The following CDK9 variants were observed in gnomAD, a reference collection of about 807,000 sequenced individuals.
The protein encoded by CDK9 is cyclin dependent kinase 9.
A neutral mutation model predicts 39.0 loss-of-function variants in CDK9; 34 were observed. That is an observed-to-expected ratio of 0.87 (90% confidence interval 0.66 to 1.16). CDK9 has a LOEUF of 1.16. Among genes scored for constraint, CDK9 ranks in the 50% most tolerant of loss-of-function variants. CDK9 has a pLI of 0.00. For missense variants in CDK9, 369 were observed against 503.2 expected, an observed-to-expected ratio of 0.73 and a Z score of 2.55; for synonymous variants, 233 against 196.2, an observed-to-expected ratio of 1.19 and a Z score of -1.57.
In CDK9 at chr9:127,788,303, C is replaced by T. The variant is rs759417363; in HGVS notation, c.522C>T (p.Phe174=). Residue 174 remains phenylalanine (F), a synonymous_variant, in exon 5 of 7, where the codon TTC becomes TTT. Transcript: ENST00000373264. The part of the protein sequence containing the change: ...KLADFGLARA[F]SLAKNSQPNR... ...CAGACTTTGGGCTGGCCCGGGCCTT[C>T]AGCCTGGCCAAGAACAGCCAGCCCA... 6.2e-7 allele frequency: 1 copy of T among 1,613,190 alleles called. No individual in the cohort carries two copies. Among genetic ancestry groups the T allele is most frequent in the South Asian group, 1.1e-5 (1 of 91,066 alleles).
chr9:127,787,233 A>G (rs937531877), intron 2 of CDK9, among the ~76,000 whole-genome samples: 1 of 152,196 alleles, frequency 6.6e-6, no homozygotes. Flanking sequence ...TTAAATCATC[A>G]TGTTTGTTGC....
chr9:127,786,624 C>T lies in CDK9; in HGVS notation c.93-77C>T, dbSNP rs572591176. The T allele has an allele frequency of 3.3e-3, 4,299 of 1,303,352 alleles. 14 individuals are homozygous for T. Among genetic ancestry groups the T allele is most frequent in the Non-Finnish European group, 4.4e-3 (4,049 of 923,652 alleles). 80.7% of individuals were successfully genotyped at this position (1,303,352 alleles called of 1,614,324 possible). On this transcript the variant is annotated intron_variant, in intron 1 of 6. Coordinates refer to ENST00000373264, the MANE Select transcript of CDK9 (RefSeq NM_001261.4). ...CCCGGGAATCTCTTTGCTGCTGCCCCTCCTCCTGTAGTGGGGGAGGGGCGG... is the reference window on the plus strand; with the variant it reads ...CCCGGGAATCTCTTTGCTGCTGCCCTTCCTCCTGTAGTGGGGGAGGGGCGG...
intron 3 of CDK9, 64 bp downstream of exon 3, chr9:127,787,672 G>T: frequency 8.0e-7 from 1 of 1,256,126 alleles, no homozygotes; most frequent in Non-Finnish European, 1.2e-6. Flanking sequence ...TGTAAACTTG[G>T]AACTAGGCAC....
chr9:127,790,449 G>A lies in CDK9; in HGVS notation c.*906G>A, dbSNP rs1829407270. ...ACTGCTGGGTAGAGGGCCTGGGGCA[G>A]GCTGGAGAGAGAAAGTGGGCAGAGG... On this transcript the variant is annotated 3_prime_UTR_variant, in exon 7 of 7. Coordinates refer to ENST00000373264, the MANE Select transcript of CDK9 (RefSeq NM_001261.4). 1 of 152,478 alleles carries A rather than the reference G, an allele frequency of 6.6e-6. No homozygotes were observed. The highest frequency in any genetic ancestry group is 1.5e-5 in the Non-Finnish European group (1 of 68,212). The allele number at this position is 152,478 out of a possible 1,614,324, so 9.4% of individuals were successfully genotyped here. A position where few individuals can be genotyped will look rare whatever the true frequency, so the allele number is the denominator to read the frequency against.
At position 127,788,337 on chromosome 9, in the gene CDK9, A is replaced by G; in HGVS notation, c.556A>G (p.Thr186Ala). 6.2e-7 allele frequency: 1 copy of G among 1,613,114 alleles called. No individual in the cohort carries two copies. The highest frequency in any genetic ancestry group is 8.5e-7 in the Non-Finnish European group (1 of 1,179,972). ...LAKNSQPNRYTNRVVTLWYRP... is the reference protein window; with the variant it reads ...LAKNSQPNRYANRVVTLWYRP... ...CAAGAACAGCCAGCCCAACCGCTAC[A>G]CCAACCGTGTGGTGACACTCTGGTA... Residue 186 changes from threonine (T) to alanine (A), a missense_variant, in exon 5 of 7, where the codon ACC becomes GCC. By Grantham distance (58) the Thr-to-Ala change is moderately conservative. Transcript: ENST00000373264.
In CDK9 at chr9:127,789,499, A is replaced by C; in HGVS notation, c.1075A>C (p.Asn359His). Reference sequence around the variant, plus strand: ...CCAGCAGTCCACCAACCAGAGTCGCAATCCCGCCACCACCAACCAGACGGA... The same window carrying C: ...CCAGCAGTCCACCAACCAGAGTCGCCATCCCGCCACCACCAACCAGACGGA... ...ITQQSTNQSRNPATTNQTEFE... is the reference protein window; with the variant it reads ...ITQQSTNQSRHPATTNQTEFE... Residue 359 changes from asparagine (N) to histidine (H), a missense_variant, in exon 7 of 7, where the codon AAT becomes CAT. Asn to His is a moderately conservative substitution (Grantham distance 68, BLOSUM62 1). Transcript: ENST00000373264. The surrounding 1 kb of genome is among the most constrained non-coding windows in gnomAD (Gnocchi z 5.2). 1 of 1,614,108 alleles carries C rather than the reference A, an allele frequency of 6.2e-7. No homozygotes were observed. Among genetic ancestry groups the C allele is most frequent in the East Asian group, 2.2e-5 (1 of 44,888 alleles).
chr9:127,786,808 C>A, intron 2 of CDK9, 26 bp downstream of exon 2: 1 of 1,606,876 alleles, frequency 6.2e-7, no homozygotes, highest in Non-Finnish European at 8.5e-7. Context: ...GCGTGCGGGC[C>A]GGCCGGCTAA....
rs1345038171 is a variant in CDK9 at position 127,790,122 on chromosome 9, TCTGCGCACACAC to T, written c.*581_*592del. 6.6e-6 allele frequency: 1 copy of T among 152,536 alleles called. No individual in the cohort carries two copies. The highest frequency in any genetic ancestry group is 1.5e-5 in the Non-Finnish European group (1 of 68,346). 9.4% of individuals were successfully genotyped at this position (152,536 alleles called of 1,614,324 possible). On this transcript the variant is annotated 3_prime_UTR_variant, in exon 7 of 7. Transcript: ENST00000373264. ...TTCCTCCAGGACTTGTGTGTTTTGTTCTGCGCACACACCGCCAACTGTTCCCCCACAGTCAGC... is the reference window on the plus strand; with the variant it reads ...TTCCTCCAGGACTTGTGTGTTTTGTTCGCCAACTGTTCCCCCACAGTCAGC...
Position 127,787,389 on chromosome 9 carries a change from G to A in CDK9, c.175-129G>A, listed in dbSNP as rs1185639674. 6 of 622,004 alleles carry A rather than the reference G, an allele frequency of 9.6e-6. No individual in the cohort carries two copies. The East Asian group carries it at 1.3e-4, about 14-fold the overall frequency. 38.5% of individuals were successfully genotyped at this position (622,004 alleles called of 1,614,324 possible). On this transcript the variant is annotated intron_variant, in intron 2 of 6. Coordinates refer to ENST00000373264, the MANE Select transcript of CDK9 (RefSeq NM_001261.4). ...TACTAATATCCATTTTATAGACAAG[G>A]CTTCTGAGACAGCTGGTTTCAGAGC...
At position 127,789,234 on chromosome 9, in the gene CDK9, C is replaced by T; in HGVS notation, c.810C>T (p.Gly270=). The change falls in exon 7 of 7, where the codon GGC becomes GGT. Residue 270 remains glycine, a synonymous_variant. Transcript: ENST00000373264. The surrounding 1 kb of genome is among the most constrained non-coding windows in gnomAD (Gnocchi z 5.2). ...ELYEKLELVK[G]QKRKVKDRLK... is the part of the protein sequence containing the mutation. Reference sequence around the variant, plus strand: ...ACGAAAAGCTGGAGCTGGTCAAGGGCCAGAAGCGGAAGGTGAAGGACAGGC... The same window carrying T: ...ACGAAAAGCTGGAGCTGGTCAAGGGTCAGAAGCGGAAGGTGAAGGACAGGC... 1 of 1,611,206 alleles carries T rather than the reference C, an allele frequency of 6.2e-7. No individual in the cohort carries two copies. The highest frequency in any genetic ancestry group is 8.5e-7 in the Non-Finnish European group (1 of 1,177,938).
At chr9:127,787,388 G>A in intron 2 of CDK9, 130 bp from the exon 3 acceptor site, 1 of 619,496 alleles carries the variant, frequency 1.6e-6, no homozygotes, top group East Asian at 2.7e-5. Flanking sequence ...TTATAGACAA[G>A]GCTTCTGAGA....
chr9:127,790,087 AT>A lies in CDK9; in HGVS notation c.*555del, dbSNP rs1365203946. The A allele has an allele frequency of 1.6e-3, 225 of 138,506 alleles. 1 individual carries two copies. Among genetic ancestry groups the A allele is most frequent in the East Asian group, 4.9e-3 (24 of 4,932 alleles). 8.6% of individuals were successfully genotyped at this position (138,506 alleles called of 1,614,324 possible). On this transcript the variant is annotated 3_prime_UTR_variant, in exon 7 of 7. Transcript: ENST00000373264. ...AAAGTTGAATTTTTTTTTTTTTTAA[AT>A]TTTTTTTTTTCCTCCAGGACTTGTG... is the stretch of plus-strand genomic sequence containing the variant.
rs1289167649 is a variant in CDK9, at chr9:127,789,407, T to C, written c.983T>C (p.Leu328Pro). The change falls in exon 7 of 7, where the codon CTC (leucine) becomes CCC (proline). Residue 328 changes from leucine to proline, a missense_variant. Coordinates refer to ENST00000373264, the MANE Select transcript of CDK9 (RefSeq NM_001261.4). The surrounding 1 kb of genome is among the most constrained non-coding windows in gnomAD (Gnocchi z 5.2). ...ATGCCCTCCGACCTCAAGGGCATGC[T>C]CTCCACCCACCTGACGTCCATGTTC... is the stretch of plus-strand genomic sequence containing the variant. ...DPMPSDLKGM[L>P]STHLTSMFEY... The C allele has an allele frequency of 2.5e-6, 4 of 1,613,836 alleles. No individual in the cohort carries two copies. Among genetic ancestry groups the C allele is most frequent in the Non-Finnish European group, 3.4e-6 (4 of 1,180,014 alleles).
intron 1 of CDK9, among the ~76,000 whole-genome samples, 168 bp downstream of exon 1, chr9:127,786,408 TG>T (rs910797565): frequency 1.3e-5 from 2 of 150,568 alleles, no homozygotes; most frequent in Non-Finnish European, 3.0e-5. Flanking sequence ...AGCCGGCTGG[TG>T]GGGAGGAGCC....
Position 127,789,055 on chromosome 9 carries a change from G to T in CDK9, c.754-123G>T. On this transcript the variant is annotated intron_variant, in intron 6 of 6. Coordinates refer to ENST00000373264, the MANE Select transcript of CDK9 (RefSeq NM_001261.4). This position sits in a 1 kb window ranked among gnomAD's most constrained non-coding sequence, Gnocchi z 5.2. ...GCGGGCACTGCTTCTGGGAGGGGTCGAGTAGCAGTCTGGGAGCCTCCGAGT... is the reference window on the plus strand; with the variant it reads ...GCGGGCACTGCTTCTGGGAGGGGTCTAGTAGCAGTCTGGGAGCCTCCGAGT... 1 of 1,283,400 alleles carries T rather than the reference G, an allele frequency of 7.8e-7. No individual in the cohort carries two copies. Among genetic ancestry groups the T allele is most frequent in the East Asian group, 2.4e-5 (1 of 41,898 alleles). The allele number at this position is 1,283,400 out of a possible 1,614,324, so 79.5% of individuals were successfully genotyped here.
rs778384628 is a variant in CDK9, at chr9:127,788,653, C to T, written c.714C>T (p.Leu238=). The T allele has an allele frequency of 1.4e-5, 23 of 1,611,620 alleles. No homozygotes were observed. The highest frequency in any genetic ancestry group is 1.5e-5 in the Non-Finnish European group (18 of 1,179,146). ...AGGGCAACACGGAGCAGCACCAACT[C>T]GCCCTCATCAGTCAGCTCTGCGGCT... ...IMQGNTEQHQ[L]ALISQLCGSI... is the part of the protein sequence containing the mutation. The change falls in exon 6 of 7, where the codon CTC becomes CTT. Residue 238 remains leucine, a synonymous_variant. Transcript: ENST00000373264.
Position 127,788,357 on chromosome 9 carries a change from C to G in CDK9, c.576C>G (p.Leu192=), listed in dbSNP as rs781408491. The G allele has an allele frequency of 2.5e-6, 4 of 1,612,824 alleles. No individual in the cohort carries two copies. Among genetic ancestry groups the G allele is most frequent in the South Asian group, 2.2e-5 (2 of 91,058 alleles). ...PNRYTNRVVT[L]WYRPPELLLG... ...GCTACACCAACCGTGTGGTGACACT[C>G]TGGTACCGGCCCCCGGAGCTGTTGC... Residue 192 remains leucine (L), a synonymous_variant, in exon 5 of 7, where the codon CTC becomes CTG. Transcript: ENST00000373264.
Position 127,789,653 on chromosome 9 carries a change from TC to T in CDK9, c.*114del. On this transcript the variant is annotated 3_prime_UTR_variant, in exon 7 of 7. Transcript: ENST00000373264. This position sits in a 1 kb window ranked among gnomAD's most constrained non-coding sequence, Gnocchi z 5.2. ...TATCTCTCATGCATATTTTATTTAA[TC>T]CCCACCCTGGGCTCTGGGAGCAGCC... 1.4e-6 allele frequency: 2 copies of T among 1,394,436 alleles called. No homozygotes were observed. The highest frequency in any genetic ancestry group is 1.9e-6 in the Non-Finnish European group (2 of 1,042,276). The allele number at this position is 1,394,436 out of a possible 1,614,324, so 86.4% of individuals were successfully genotyped here.
rs1829388162 is a variant in CDK9, at chr9:127,789,324, T to C, written c.900T>C (p.Pro300=). 6.2e-7 allele frequency: 1 copy of C among 1,613,866 alleles called. No homozygotes were observed. Among genetic ancestry groups the C allele is most frequent in the Admixed American group, 1.7e-5 (1 of 60,000 alleles). ...DLIDKLLVLD[P]AQRIDSDDAL... ...TCGACAAGCTGCTGGTGCTGGACCC[T>C]GCCCAGCGCATCGACAGCGATGACG... is the stretch of plus-strand genomic sequence containing the variant. The change falls in exon 7 of 7, where the codon CCT becomes CCC. Residue 300 remains proline, a synonymous_variant. Coordinates refer to ENST00000373264, the MANE Select transcript of CDK9 (RefSeq NM_001261.4). This position sits in a 1 kb window ranked among gnomAD's most constrained non-coding sequence, Gnocchi z 5.2.
Sources: gnomAD v4.1 joint callset for allele counts (sites outside exome capture counted in the v4.1 genomes callset) on GRCh38, gnomAD v4.1.1 for gene constraint, Gnocchi (gnomAD v3.1) non-coding constraint, MANE v1.5 for transcripts, NCBI Gene and HGNC (gene_info 2026-07-23, HGNC 2026-07-21) for gene names.